Variants in ANKFN1 observed in about 807,000 individuals in gnomAD.
ANKFN1 encodes the protein ankyrin repeat and fibronectin type III domain containing 1.
ANKFN1 carries 74 observed loss-of-function variants against 108.7 expected under a neutral mutation model. The ratio of observed to expected loss-of-function variants is 0.68; its 90% CI spans 0.56 to 0.83. ANKFN1 has a LOEUF of 0.83. ANKFN1 is among the 40% of genes least tolerant of loss of function. The probability of loss-of-function intolerance (pLI) is 0.00; values close to 1 mark genes in which losing one functional copy is unlikely to be tolerated. For synonymous variants in ANKFN1, 547 were observed against 516.2 expected, an observed-to-expected ratio of 1.06 and a Z score of -0.81; for missense variants, 1,505 against 1,382.3, an observed-to-expected ratio of 1.09 and a Z score of -1.41.
chr17:56,095,929 G>A (rs1001519501), intron 4 of ANKFN1, among the ~76,000 whole-genome samples: 10 of 152,176 alleles, frequency 6.6e-5, no homozygotes, highest in Non-Finnish European at 7.3e-5. Flanking sequence ...TGTAAAGAAC[G>A]TGGGCTCTTT....
intron 3 of ANKFN1, among the ~76,000 whole-genome samples, chr17:56,304,001 C>G (rs1204154460): frequency 6.6e-6 from 1 of 151,948 alleles, no homozygotes; most frequent in Non-Finnish European, 1.5e-5. Flanking sequence ...TGGCCAGATT[C>G]CATGTACTCT....
chr17:56,249,025 G>A (rs958573688), intron 3 of ANKFN1, among the ~76,000 whole-genome samples: 1 of 152,148 alleles, frequency 6.6e-6, no homozygotes, highest in African/African-American at 2.4e-5. Context: ...TTAGAATAGC[G>A]CTGAAAAATT....
intron 3 of ANKFN1, among the ~76,000 whole-genome samples, chr17:56,288,481 T>C (rs913982358): frequency 3.3e-5 from 5 of 152,160 alleles, no homozygotes; most frequent in Non-Finnish European, 7.3e-5. Flanking sequence ...TGTTTGCTTA[T>C]TTAAATAATT....
chr17:56,491,272 A>G (rs1304087884), intron 18 of ANKFN1, among the ~76,000 whole-genome samples: 1 of 152,216 alleles, frequency 6.6e-6, no homozygotes, highest in South Asian at 2.1e-4. Flanking sequence ...AGAGGTAAAC[A>G]GAGTAAAAGA....
intron 8 of ANKFN1, among the ~76,000 whole-genome samples, chr17:56,406,618 C>T (rs377758783): frequency 5.3e-5 from 8 of 152,156 alleles, no homozygotes; most frequent in South Asian, 2.1e-4. Context: ...TTAATTTCTA[C>T]GTTAAATTAT....
At chr17:56,103,151 A>G (rs1262530778) in intron 4 of ANKFN1, among the ~76,000 whole-genome samples, 1 of 152,182 alleles carries the variant, frequency 6.6e-6, no homozygotes, top group East Asian at 1.9e-4. Context: ...TGAAAAGTCA[A>G]TCAGCACTGA....
intron 1 of ANKFN1, among the ~76,000 whole-genome samples, chr17:56,170,673 G>A (rs896571546): frequency 6.6e-6 from 1 of 150,568 alleles, no homozygotes; most frequent in African/African-American, 2.4e-5. Flanking sequence ...TGAGGCAGGA[G>A]AATCTCTTGA....
chr17:56,474,795 G>A (rs79007542), intron 15 of ANKFN1, among the ~76,000 whole-genome samples: 207 of 152,086 alleles, frequency 1.4e-3, no homozygotes, highest in Admixed American at 3.0e-3. Flanking sequence ...TGAATTTATT[G>A]TAGTCAACTA....
At chr17:56,478,259 C>G (rs1283078965) in intron 16 of ANKFN1, among the ~76,000 whole-genome samples, 1 of 152,206 alleles carries the variant, frequency 6.6e-6, no homozygotes, top group Non-Finnish European at 1.5e-5. Flanking sequence ...GATGTTCAAT[C>G]GGTTAATGAA....
chr17:56,449,303 T>C (rs1299576869), intron 11 of ANKFN1, 117 bp downstream of exon 11: 1 of 673,040 alleles, frequency 1.5e-6, no homozygotes, highest in African/African-American at 1.8e-5. Flanking sequence ...ATATTAATAT[T>C]TGTACATCTG....
At chr17:56,420,869 G>T (rs2048384844) in intron 8 of ANKFN1, among the ~76,000 whole-genome samples, 1 of 151,798 alleles carries the variant, frequency 6.6e-6, no homozygotes, top group South Asian at 2.1e-4. Context: ...CACCGCGCCC[G>T]GCTAATTTTT....
intron 1 of ANKFN1, among the ~76,000 whole-genome samples, chr17:56,194,471 C>G (rs1424813026): frequency 6.6e-6 from 1 of 151,988 alleles, no homozygotes; most frequent in Non-Finnish European, 1.5e-5. Flanking sequence ...ATGGGGAAAC[C>G]TAAATATTTA....
At chr17:56,476,697 A>G (rs1342916147) in intron 15 of ANKFN1, among the ~76,000 whole-genome samples, 1 of 152,236 alleles carries the variant, frequency 6.6e-6, no homozygotes, top group African/African-American at 2.4e-5. Flanking sequence ...ATTTCATAAG[A>G]GTGTGACTTG....
At chr17:56,442,682 T>C (rs555329492) in intron 9 of ANKFN1, among the ~76,000 whole-genome samples, 161 bp from the exon 10 acceptor site, 5 of 152,270 alleles carry the variant, frequency 3.3e-5, no homozygotes, top group African/African-American at 1.2e-4. Context: ...ATGCTATAGA[T>C]GGGCTATAGT....
chr17:56,471,413 T>G (rs2050312737), intron 15 of ANKFN1: 1 of 152,258 alleles, frequency 6.6e-6, no homozygotes, highest in Non-Finnish European at 1.5e-5. Flanking sequence ...ACACCCTAGG[T>G]GCCCAGGACC....
At position 56,056,423 on chromosome 17, in the gene ANKFN1, A is replaced by G. The variant is rs72827472; in HGVS notation, c.288+10098A>G. 6.8e-3 allele frequency among the ~76,000 whole-genome samples: 1,034 copies of G among 151,718 alleles called. 7 individuals are homozygous for G. Among genetic ancestry groups the G allele is most frequent in the Middle Eastern group, 0.062 (18 of 288 alleles). ...GGATTGCATTGCCTGACTTCAAATTATACTACAAGGCTGCAGTGACTGAAA... is the reference window on the plus strand; with the variant it reads ...GGATTGCATTGCCTGACTTCAAATTGTACTACAAGGCTGCAGTGACTGAAA... On this transcript the variant is annotated intron_variant, in intron 4 of 12. Coordinates refer to the ANKFN1 transcript ENST00000635860.
intron 1 of ANKFN1, among the ~76,000 whole-genome samples, chr17:56,188,581 GTATATA>G (rs61556880): frequency 9.3e-4 from 46 of 49,646 alleles, no homozygotes; most frequent in East Asian, 2.2e-3. Flanking sequence ...GTGTGTGTGT[GTATATA>G]TATATATATA....
rs182751371 is a variant in ANKFN1 at position 56,469,960 on chromosome 17, C to T, written c.1773+3389C>T. Among the ~76,000 whole-genome samples, 657 of 152,012 alleles carry T rather than the reference C, an allele frequency of 4.3e-3. 19 individuals are homozygous for T. The highest frequency in any genetic ancestry group is 0.038 in the Admixed American group (582 of 15,264). On this transcript the variant is annotated intron_variant, in intron 15 of 20. Transcript: ENST00000682825. ...CCTCCCCTTGCCCCTACCAACAGGC[C>T]CCAATGTAGGTTGTTCCCCTCCCTG...
At chr17:56,226,468 C>T (rs115505220) in intron 2 of ANKFN1, among the ~76,000 whole-genome samples, 2,596 of 152,108 alleles carry the variant, frequency 0.017, 69 homozygotes, top group African/African-American at 0.059. Context: ...TGCTAAAACA[C>T]GTAGAGATTT....
Sources: allele counts gnomAD v4.1 joint callset (sites outside exome capture counted in the v4.1 genomes callset), GRCh38; gene constraint gnomAD v4.1.1; transcripts MANE v1.5; gene names NCBI Gene and HGNC (gene_info 2026-07-23, HGNC 2026-07-21).